Variants in IQCM observed in about 807,000 individuals in gnomAD.
IQCM encodes IQ motif containing M.
In IQCM, 45 loss-of-function variants were observed where a neutral mutation model predicts 57.6. The ratio of observed to expected loss-of-function variants is 0.78; its 90% CI spans 0.62 to 1.00. The LOEUF is 1.00. Among genes scored for constraint, IQCM ranks in the 50% least tolerant of loss-of-function variants. IQCM has a pLI of 0.00. For missense variants in IQCM, 468 were observed against 511.6 expected (o/e 0.91, Z 0.82); for synonymous variants, 148 against 158.9 (o/e 0.93, Z 0.51).
chr4:149,703,500 T>C (rs1241705573), intron 5 of IQCM, among the ~76,000 whole-genome samples: 10 of 151,796 alleles, frequency 6.6e-5, no homozygotes, highest in Admixed American at 1.3e-4. Flanking sequence ...GTACAGACAA[T>C]AGGCCAACAT....
At chr4:149,704,520 T>G (rs1764012332) in intron 5 of IQCM, among the ~76,000 whole-genome samples, 1 of 151,828 alleles carries the variant, frequency 6.6e-6, no homozygotes, top group Admixed American at 6.6e-5. Flanking sequence ...ATCTCACCCT[T>G]TACAGAAAAC....
chr4:149,515,929 A>G (rs1288844287), intron 12 of IQCM, among the ~76,000 whole-genome samples: 1 of 152,226 alleles, frequency 6.6e-6, no homozygotes, highest in Non-Finnish European at 1.5e-5. Flanking sequence ...CTCAGAATAG[A>G]GGATTTTAAT....
At chr4:149,750,100 T>C (rs1056866305) in intron 2 of IQCM, among the ~76,000 whole-genome samples, 1 of 152,226 alleles carries the variant, frequency 6.6e-6, no homozygotes, top group Non-Finnish European at 1.5e-5. Flanking sequence ...CTCTCATGAA[T>C]TTTTGTAATG....
At chr4:149,726,424 C>T (rs900916038) in intron 5 of IQCM, among the ~76,000 whole-genome samples, 4 of 152,144 alleles carry the variant, frequency 2.6e-5, no homozygotes, top group African/African-American at 9.7e-5. Flanking sequence ...TGCATTACTC[C>T]TTAATTGAAA....
intron 12 of IQCM, among the ~76,000 whole-genome samples, chr4:149,462,114 T>C (rs1421945449): frequency 2.0e-5 from 3 of 152,162 alleles, no homozygotes; most frequent in African/African-American, 7.2e-5. Flanking sequence ...ATGAATTATT[T>C]GGAAATTTGT....
chr4:149,724,041 G>A (rs998795100), intron 5 of IQCM, among the ~76,000 whole-genome samples: 4 of 151,702 alleles, frequency 2.6e-5, no homozygotes, highest in Non-Finnish European at 5.9e-5. Flanking sequence ...ATATTTCCAA[G>A]CATTTATCTG....
chr4:149,641,382 G>T (rs980483193), intron 7 of IQCM, among the ~76,000 whole-genome samples: 3 of 151,988 alleles, frequency 2.0e-5, no homozygotes, highest in Admixed American at 2.0e-4. Context: ...CACTGAAAAT[G>T]AAGAAAAATT....
chr4:149,658,992 T>G (rs1759900676), intron 7 of IQCM, among the ~76,000 whole-genome samples: 1 of 152,012 alleles, frequency 6.6e-6, no homozygotes, highest in African/African-American at 2.4e-5. Context: ...ATTGCTTGGA[T>G]GAAGACTTCT....
At chr4:149,484,702 T>C (rs564751396) in intron 12 of IQCM, among the ~76,000 whole-genome samples, 1 of 152,224 alleles carries the variant, frequency 6.6e-6, no homozygotes, top group East Asian at 1.9e-4. Context: ...GTTTGGTTCA[T>C]CATTTGGTAT....
At chr4:149,665,010 A>C (rs1434436951) in intron 7 of IQCM, among the ~76,000 whole-genome samples, 1 of 152,132 alleles carries the variant, frequency 6.6e-6, no homozygotes, top group African/African-American at 2.4e-5. Context: ...CCAAATTATC[A>C]ACTGTTTTGT....
rs1481790330 is a variant in IQCM at position 149,431,638 on chromosome 4, T to C, written c.1390+1758A>G. Among the ~76,000 whole-genome samples the C allele has an allele frequency of 2.6e-5, 4 of 151,998 alleles. No individual in the cohort carries two copies. In the South Asian group the frequency reaches 8.3e-4, roughly 31 times the overall value. ...ACTCCCTCATGCTGCCTCTTTGTAG[T>C]AAAACACTACCATCAAATTTAAGCC... On this transcript the variant is annotated intron_variant, in intron 13 of 13. Transcript: ENST00000636793.
chr4:149,573,751 C>T (rs1186153100), intron 9 of IQCM, among the ~76,000 whole-genome samples: 1 of 145,826 alleles, frequency 6.9e-6, no homozygotes, highest in African/African-American at 2.6e-5. Context: ...ACCCAGGCAA[C>T]CTAGTGAGAC....
At chr4:149,693,924 G>T (rs565659443) in intron 5 of IQCM, among the ~76,000 whole-genome samples, 2 of 152,196 alleles carry the variant, frequency 1.3e-5, no homozygotes, top group South Asian at 4.1e-4. Context: ...CAGCACAAGG[G>T]ATATTCTCTA....
chr4:149,481,701 G>GTTTTGTTTTTTTTTTTTTTTT (rs1740817619), intron 12 of IQCM, among the ~76,000 whole-genome samples: 1 of 51,550 alleles, frequency 1.9e-5, no homozygotes, highest in African/African-American at 7.6e-5. Context: ...TTCCAGTTTT[G>GTTTTGTTTTTTTTTTTTTTTT]TTTTTTTTTT....
chr4:149,517,049 C>A (rs1745044687), intron 12 of IQCM, among the ~76,000 whole-genome samples: 1 of 146,772 alleles, frequency 6.8e-6, no homozygotes, highest in Admixed American at 7.1e-5. Flanking sequence ...ACTACAACAT[C>A]CAATCCAGGC....
intron 8 of IQCM, among the ~76,000 whole-genome samples, chr4:149,602,715 A>G (rs1469864093): frequency 6.6e-6 from 1 of 152,114 alleles, no homozygotes; most frequent in Non-Finnish European, 1.5e-5. Flanking sequence ...ATAACTTAAT[A>G]AAGTTAATAA....
chr4:149,512,438 T>C (rs1193385328), intron 12 of IQCM, among the ~76,000 whole-genome samples: 1 of 152,212 alleles, frequency 6.6e-6, no homozygotes, highest in African/African-American at 2.4e-5. Context: ...TGTAGAACTC[T>C]TTATTACAGA....
At chr4:149,559,256 A>C (rs1749890464) in intron 10 of IQCM, among the ~76,000 whole-genome samples, 1 of 152,200 alleles carries the variant, frequency 6.6e-6, no homozygotes. Flanking sequence ...TCAAAAATAC[A>C]AATCTATTGG....
At chr4:149,543,728 A>T (rs981766078) in intron 12 of IQCM, among the ~76,000 whole-genome samples, 111 of 136,734 alleles carry the variant, frequency 8.1e-4, no homozygotes, top group African/African-American at 2.8e-3. Flanking sequence ...AACTTAAAGT[A>T]TAATAATAAT....
Sources: allele counts gnomAD v4.1 joint callset (sites outside exome capture counted in the v4.1 genomes callset), GRCh38; gene constraint gnomAD v4.1.1; transcripts MANE v1.5; gene names NCBI Gene and HGNC (gene_info 2026-07-23, HGNC 2026-07-21).